The following SYBU variants were observed in gnomAD, a reference collection of about 807,000 sequenced individuals.
SYBU encodes GOLSYN A protein.
Under a neutral mutation model 35.9 loss-of-function variants are expected in SYBU, and 21 were observed. The ratio of observed to expected loss-of-function variants is 0.58; its 90% CI spans 0.41 to 0.84. SYBU has a LOEUF of 0.84. SYBU is among the 40% of genes least tolerant of loss of function. The pLI, the probability that SYBU is intolerant of heterozygous loss-of-function variation, is 0.00. For synonymous variants in SYBU, 319 were observed against 324.3 expected (o/e 0.98, Z 0.18); for missense variants, 768 against 848.2 (o/e 0.91, Z 1.17).
intron 1 of SYBU, among the ~76,000 whole-genome samples, chr8:109,644,392 G>A (rs957858884): frequency 6.6e-6 from 1 of 152,068 alleles, no homozygotes; most frequent in African/African-American, 2.4e-5. Context: ...CCCAGTTTCA[G>A]GAGGTGGGAT....
intron 2 of SYBU, among the ~76,000 whole-genome samples, chr8:109,635,360 A>C (rs1285720664): frequency 6.6e-6 from 1 of 152,062 alleles, no homozygotes; most frequent in Non-Finnish European, 1.5e-5. Flanking sequence ...TTTATTCCTG[A>C]ATGCTCATTC....
In SYBU at chr8:109,574,635, G is replaced by T; in HGVS notation, c.*271C>A. 2.9e-6 allele frequency: 1 copy of T among 343,438 alleles called. No homozygotes were observed. Among genetic ancestry groups the T allele is most frequent in the Non-Finnish European group, 5.2e-6 (1 of 190,776 alleles). 21.3% of individuals were successfully genotyped at this position (343,438 alleles called of 1,614,324 possible). A position where few individuals can be genotyped will look rare whatever the true frequency, so the allele number is the denominator to read the frequency against. The stretch of plus-strand genomic sequence containing the variant: ...TGCGTTTTCTCTTCCTGAACCACTA[G>T]GATAAGAACGGGTACCTCAGACGAC... On this transcript the variant is annotated 3_prime_UTR_variant, in exon 7 of 7. Transcript: ENST00000276646.
intron 2 of SYBU, among the ~76,000 whole-genome samples, chr8:109,633,484 C>A (rs942853742): frequency 6.6e-6 from 1 of 152,202 alleles, no homozygotes; most frequent in Admixed American, 6.5e-5. Flanking sequence ...GGACAGTCAA[C>A]CTGAAATAAC....
chr8:109,648,316 G>T (rs188981450), upstream of SYBU, among the ~76,000 whole-genome samples: 230 of 146,744 alleles, frequency 1.6e-3, 7 homozygotes, highest in Admixed American at 0.014. Flanking sequence ...GGAGAGATAG[G>T]GTATTGTAGA....
intron 1 of SYBU, among the ~76,000 whole-genome samples, chr8:109,666,132 T>C (rs1318626300): frequency 3.3e-5 from 5 of 152,244 alleles, no homozygotes; most frequent in Admixed American, 1.3e-4. Context: ...GAGAACACCA[T>C]GGCAACTGCT....
At chr8:109,671,982 A>T (rs552866105) in intron 1 of SYBU, among the ~76,000 whole-genome samples, 3 of 152,108 alleles carry the variant, frequency 2.0e-5, no homozygotes, top group East Asian at 3.9e-4. Flanking sequence ...GCTCATTGCA[A>T]TCTCTGCCTC....
intron 1 of SYBU, among the ~76,000 whole-genome samples, chr8:109,656,596 T>C (rs1268846336): frequency 6.6e-6 from 1 of 152,236 alleles, no homozygotes; most frequent in Non-Finnish European, 1.5e-5. Flanking sequence ...CACTTAAGAA[T>C]TGCCTTACAG....
At position 109,691,068 on chromosome 8, in the gene SYBU, C is replaced by CCCGA. The variant is rs1817633535; in HGVS notation, c.-58+261_-58+264dup. 3.3e-5 allele frequency among the ~76,000 whole-genome samples: 5 copies of CCCGA among 152,196 alleles called. No individual in the cohort carries two copies. The highest frequency in any genetic ancestry group is 2.0e-4 in the Admixed American group (3 of 15,288). ...TTGCTCGTTGCAACAAGGAGTCCAG[C>CCCGA]CCGACCGTCTCAACAACCAATCAAA... On this transcript the variant is annotated intron_variant, in intron 1 of 7. Coordinates refer to the SYBU transcript ENST00000422135. The surrounding 1 kb of genome is among the most constrained non-coding windows in gnomAD (Gnocchi z 4.7).
chr8:109,689,833 A>G (rs868665548), intron 1 of SYBU, among the ~76,000 whole-genome samples: 22 of 15,930 alleles, frequency 1.4e-3, no homozygotes, highest in African/African-American at 3.9e-3. Flanking sequence ...CTACAATATG[A>G]AAAAAAAAAA....
At chr8:109,633,464 TA>T (rs929510416) in intron 2 of SYBU, among the ~76,000 whole-genome samples, 10 of 152,148 alleles carry the variant, frequency 6.6e-5, no homozygotes, top group Non-Finnish European at 1.5e-4. Flanking sequence ...TTGGGTTCCC[TA>T]AAAAGAGGGG....
Position 109,618,972 on chromosome 8 carries a change from G to A in SYBU, c.297C>T (p.Ser99=). 6.2e-7 allele frequency: 1 copy of A among 1,614,146 alleles called. No homozygotes were observed. Among genetic ancestry groups the A allele is most frequent in the Non-Finnish European group, 8.5e-7 (1 of 1,179,970 alleles). ...PVKTPSDAGN[S]PIGFCPGSDE... ...CACTTCCAGGGCAAAAGCCAATGGG[G>A]CTGTTTCCAGCATCTGAGGGTGTCT... Residue 99 remains serine, a synonymous_variant, in exon 3 of 7, where the codon AGC becomes AGT. Coordinates refer to ENST00000276646, the MANE Select transcript of SYBU (RefSeq NM_001099754.2).
intron 6 of SYBU, 106 bp from the exon 7 acceptor site, chr8:109,576,119 G>T (rs2131177122): frequency 1.5e-6 from 2 of 1,302,076 alleles, no homozygotes; most frequent in Non-Finnish European, 2.0e-6. Flanking sequence ...ACAGAGCCAA[G>T]AGCTCATACT....
In SYBU at chr8:109,574,885, C is replaced by A. The variant is rs1822025774; in HGVS notation, c.*21G>T. The A allele has an allele frequency of 6.6e-7, 1 of 1,510,736 alleles. No individual in the cohort carries two copies. The allele number at this position is 1,510,736 out of a possible 1,614,324, so 93.6% of individuals were successfully genotyped here. A position where few individuals can be genotyped will look rare whatever the true frequency, so the allele number is the denominator to read the frequency against. On this transcript the variant is annotated 3_prime_UTR_variant, in exon 7 of 7. Coordinates refer to ENST00000276646, the MANE Select transcript of SYBU (RefSeq NM_001099754.2). ...ACAACCCACATGGGACACATTGGCA[C>A]ACGGTAACAACAACTTCTATTTAGG...
At chr8:109,663,134 G>A (rs1244583975) in intron 1 of SYBU, among the ~76,000 whole-genome samples, 1 of 152,114 alleles carries the variant, frequency 6.6e-6, no homozygotes, top group East Asian at 1.9e-4. Flanking sequence ...TAATGCCATT[G>A]TCAGAGATTC....
At position 109,661,139 on chromosome 8, in the gene SYBU, G is replaced by A. The variant is rs180774001; in HGVS notation, c.-129+19572C>T. Among the ~76,000 whole-genome samples the A allele has an allele frequency of 2.4e-4, 37 of 152,324 alleles. No homozygotes were observed. In the East Asian group the frequency reaches 6.5e-3, roughly 27 times the overall value. On this transcript the variant is annotated intron_variant, in intron 1 of 5. Coordinates refer to the SYBU transcript ENST00000408889. Reference sequence around the variant, plus strand: ...TGGACAGAAGTGTGTGCACCATACAGTGTGTAAATACAGTAATCTCACACT... The same window carrying A: ...TGGACAGAAGTGTGTGCACCATACAATGTGTAAATACAGTAATCTCACACT...
chr8:109,649,183 A>G (rs1418264831), upstream of SYBU, among the ~76,000 whole-genome samples: 1 of 151,132 alleles, frequency 6.6e-6, no homozygotes, highest in Non-Finnish European at 1.5e-5. Context: ...CGTTATTTTA[A>G]GTAGAGATGG....
chr8:109,633,926 G>T (rs527606140), intron 2 of SYBU, among the ~76,000 whole-genome samples: 1 of 152,168 alleles, frequency 6.6e-6, no homozygotes, highest in Non-Finnish European at 1.5e-5. Flanking sequence ...TAGAGATGGA[G>T]TTTCATGATG....
intron 1 of SYBU, among the ~76,000 whole-genome samples, chr8:109,678,434 CTTTTTTTTT>C (rs10717299): frequency 3.4e-5 from 2 of 58,392 alleles, no homozygotes; most frequent in African/African-American, 1.2e-4. Flanking sequence ...TTCAAATAAC[CTTTTTTTTT>C]TTTTTTTTTT....
intron 1 of SYBU, chr8:109,644,010 C>A: frequency 2.3e-6 from 1 of 434,548 alleles, no homozygotes; most frequent in Non-Finnish European, 4.6e-6. Flanking sequence ...GTAACAAACA[C>A]CCTTTCGAAA....
Sources: gnomAD v4.1 joint callset for allele counts (sites outside exome capture counted in the v4.1 genomes callset) on GRCh38, gnomAD v4.1.1 for gene constraint, Gnocchi (gnomAD v3.1) non-coding constraint, MANE v1.5 for transcripts, NCBI Gene and HGNC (gene_info 2026-07-23, HGNC 2026-07-21) for gene names.